The following TBC1D22A variants were observed in gnomAD, a reference collection of about 807,000 sequenced individuals.
The protein encoded by TBC1D22A is TBC1 domain family member 22A, also known as putative GTPase activator.
In TBC1D22A, 38 loss-of-function variants were observed where a neutral mutation model predicts 60.2. That is an observed-to-expected ratio of 0.63 (90% CI 0.49 to 0.83). The LOEUF (loss-of-function observed/expected upper bound fraction) is 0.83, where lower values mean the gene tolerates loss of function less well. TBC1D22A is among the 40% of genes least tolerant of loss of function. The pLI is 0.00. For synonymous variants in TBC1D22A, 302 were observed against 281.7 expected, an observed-to-expected ratio of 1.07 and a Z score of -0.72; for missense variants, 628 against 701.0, an observed-to-expected ratio of 0.90 and a Z score of 1.18.
chr22:47,016,321 C>T (rs917553006), intron 10 of TBC1D22A, among the ~76,000 whole-genome samples: 3 of 152,162 alleles, frequency 2.0e-5, no homozygotes, highest in Non-Finnish European at 2.9e-5. Context: ...ATCATCCTGG[C>T]GGGCACGTGC....
chr22:46,894,132 A>T (rs6007987), intron 6 of TBC1D22A, among the ~76,000 whole-genome samples: 2 of 152,184 alleles, frequency 1.3e-5, no homozygotes, highest in Non-Finnish European at 2.9e-5. Context: ...AGCGTGGGCT[A>T]GTGTGAGATG....
At chr22:46,879,964 G>A (rs2067770080) in intron 5 of TBC1D22A, among the ~76,000 whole-genome samples, 2 of 152,252 alleles carry the variant, frequency 1.3e-5, no homozygotes, top group Non-Finnish European at 2.9e-5. Flanking sequence ...AAGGGGAGGT[G>A]ACAGCCCCAC....
intron 11 of TBC1D22A, among the ~76,000 whole-genome samples, chr22:47,072,707 C>G (rs2064049727): frequency 6.6e-6 from 1 of 152,250 alleles, no homozygotes; most frequent in Non-Finnish European, 1.5e-5. Flanking sequence ...GAGCACATGG[C>G]ACCCCGATCC....
intron 4 of TBC1D22A, among the ~76,000 whole-genome samples, chr22:46,806,814 C>G (rs2085161192): frequency 6.6e-6 from 1 of 152,148 alleles, no homozygotes; most frequent in Non-Finnish European, 1.5e-5. Context: ...GTGGGTCCCA[C>G]CCAGGGTCTG....
intron 4 of TBC1D22A, among the ~76,000 whole-genome samples, chr22:46,839,474 C>T (rs1158760163): frequency 2.0e-5 from 3 of 152,042 alleles, no homozygotes; most frequent in Non-Finnish European, 1.5e-5. Flanking sequence ...AAATATATCC[C>T]ATGTGTATGA....
At chr22:46,828,238 G>A (rs774851078) in intron 4 of TBC1D22A, among the ~76,000 whole-genome samples, 1 of 152,152 alleles carries the variant, frequency 6.6e-6, no homozygotes, top group African/African-American at 2.4e-5. Context: ...TCTCACCCAC[G>A]GATTAATAAA....
chr22:46,929,453 C>G (rs962551262), intron 8 of TBC1D22A, among the ~76,000 whole-genome samples: 1 of 152,178 alleles, frequency 6.6e-6, no homozygotes, highest in Non-Finnish European at 1.5e-5. Context: ...ATTAATAGGT[C>G]TTTGATTGGC....
At chr22:47,150,907 T>A (rs1346539330) in intron 12 of TBC1D22A, among the ~76,000 whole-genome samples, 1 of 152,174 alleles carries the variant, frequency 6.6e-6, no homozygotes, top group Non-Finnish European at 1.5e-5. Context: ...CCGTGGGAAC[T>A]CTGTGGCCCT....
intron 12 of TBC1D22A, among the ~76,000 whole-genome samples, chr22:47,132,135 C>T (rs1041885957): frequency 6.6e-6 from 1 of 152,176 alleles, no homozygotes; most frequent in African/African-American, 2.4e-5. Flanking sequence ...GCCCCGGACC[C>T]CAGCTTTAGG....
At chr22:46,780,740 C>A (rs1024427723) in intron 1 of TBC1D22A, among the ~76,000 whole-genome samples, 1 of 152,148 alleles carries the variant, frequency 6.6e-6, no homozygotes, top group African/African-American at 2.4e-5. Flanking sequence ...CAGGACCAGC[C>A]CGGGCCTGGT....
intron 9 of TBC1D22A, among the ~76,000 whole-genome samples, chr22:46,975,035 C>G (rs145684828): frequency 6.6e-6 from 1 of 152,158 alleles, no homozygotes; most frequent in African/African-American, 2.4e-5. Flanking sequence ...CCACACAGTA[C>G]CTGGGAAGGA....
At position 46,953,486 on chromosome 22, in the gene TBC1D22A, GT is replaced by G. The variant is rs136080; in HGVS notation, c.1016-20796del. The stretch of plus-strand genomic sequence containing the variant: ...TTTACCTTCATTTTTATAATTTCCT[GT>G]TTTTTTTCATTTATTTTTGTAGGTC... On this transcript the variant is annotated intron_variant, in intron 8 of 12. Coordinates refer to ENST00000337137, the MANE Select transcript of TBC1D22A (RefSeq NM_014346.5). 1.1e-4 allele frequency among the ~76,000 whole-genome samples: 16 copies of G among 151,554 alleles called. No individual in the cohort carries two copies. The South Asian group carries it at 2.5e-3, about 24-fold the overall frequency.
intron 1 of TBC1D22A, among the ~76,000 whole-genome samples, chr22:46,771,299 C>T (rs564723019): frequency 7.4e-4 from 113 of 152,208 alleles, no homozygotes; most frequent in Non-Finnish European, 1.5e-3. Flanking sequence ...AACAAGTCTT[C>T]GGAGACCACT....
chr22:47,125,519 G>C (rs1299563145), intron 12 of TBC1D22A, among the ~76,000 whole-genome samples: 1 of 152,194 alleles, frequency 6.6e-6, no homozygotes, highest in African/African-American at 2.4e-5. Context: ...ATCATTTCTG[G>C]GGAAAGTGGG....
intron 12 of TBC1D22A, among the ~76,000 whole-genome samples, chr22:47,145,675 G>A (rs868325276): frequency 1.3e-5 from 2 of 152,342 alleles, no homozygotes; most frequent in Middle Eastern, 3.4e-3. Flanking sequence ...GTATTTGCCA[G>A]CTTTTAAATT....
intron 8 of TBC1D22A, among the ~76,000 whole-genome samples, chr22:46,964,611 A>G (rs977507907): frequency 2.0e-5 from 3 of 152,180 alleles, no homozygotes; most frequent in Admixed American, 2.0e-4. Context: ...CCGTCTGTCC[A>G]ATTTTGGTTT....
At chr22:46,961,766 C>T (rs2073517093) in intron 8 of TBC1D22A, among the ~76,000 whole-genome samples, 1 of 152,126 alleles carries the variant, frequency 6.6e-6, no homozygotes, top group South Asian at 2.1e-4. Flanking sequence ...AAAGGGACCC[C>T]AAGAGCAGCA....
intron 8 of TBC1D22A, among the ~76,000 whole-genome samples, chr22:46,924,745 CAAAAA>C (rs5845771): frequency 6.0e-5 from 9 of 149,104 alleles, no homozygotes; most frequent in African/African-American, 2.2e-4. Context: ...AACTCTATCT[CAAAAA>C]AAAAACAAAA....
At position 47,016,355 on chromosome 22, in the gene TBC1D22A, C is replaced by T. The variant is rs147756494; in HGVS notation, c.1201+18646C>T. Reference sequence around the variant, plus strand: ...GCTTGGTCTTCATCCCCCACCTCCCCGCTACATGAGTGGTTACCTACAGCT... The same window carrying T: ...GCTTGGTCTTCATCCCCCACCTCCCTGCTACATGAGTGGTTACCTACAGCT... On this transcript the variant is annotated intron_variant, in intron 10 of 12. Transcript: ENST00000337137. 1.8e-3 allele frequency among the ~76,000 whole-genome samples: 280 copies of T among 152,240 alleles called. 6 individuals are homozygous for T. Among genetic ancestry groups the T allele is most frequent in the Admixed American group, 0.017 (253 of 15,300 alleles).
Sources: allele counts gnomAD v4.1 joint callset (sites outside exome capture counted in the v4.1 genomes callset), GRCh38; gene constraint gnomAD v4.1.1; transcripts MANE v1.5; gene names NCBI Gene and HGNC (gene_info 2026-07-23, HGNC 2026-07-21).